RORC: variants seen among roughly 807,000 people sequenced by gnomAD.
RORC encodes the protein nuclear receptor ROR-gamma.
In RORC, 13 loss-of-function variants were observed where a neutral mutation model predicts 64.5. That is an observed-to-expected ratio of 0.20 (90% CI 0.13 to 0.32). The LOEUF is 0.32. Among genes scored for constraint, RORC ranks in the 10% least tolerant of loss-of-function variants. RORC has a pLI of 1.00. For synonymous variants in RORC, 277 were observed against 259.3 expected (o/e 1.07, Z -0.65); for missense variants, 468 against 669.5 (o/e 0.70, Z 3.32).
In RORC at chr1:151,816,707, G is replaced by A. The variant is rs777188216; in HGVS notation, c.255C>T (p.His85=). The A allele has an allele frequency of 1.9e-6, 3 of 1,606,502 alleles. No individual in the cohort carries two copies. Among genetic ancestry groups the A allele is most frequent in the East Asian group, 4.5e-5 (2 of 44,598 alleles). ...IDRTSRNRCQ[H]CRLQKCLALG... ...GCGCCAGGCATTTCTGCAGGCGGCA[G>A]TGCTGGCATCGGTTTCGGCTGGTGC... Residue 85 remains histidine, a synonymous_variant, in exon 4 of 11, where the codon CAC becomes CAT. Coordinates refer to ENST00000318247, the MANE Select transcript of RORC (RefSeq NM_005060.4).
chr1:151,824,005 G>A (rs966982767), intron 2 of RORC, among the ~76,000 whole-genome samples: 4 of 152,156 alleles, frequency 2.6e-5, no homozygotes, highest in Non-Finnish European at 5.9e-5. Context: ...CTCCCTAGGT[G>A]TTCCAGAAAC....
At chr1:151,819,352 A>C (rs4845594) in intron 2 of RORC, among the ~76,000 whole-genome samples, 150,115 of 152,294 alleles carry the variant, frequency 0.99, 74,016 homozygotes, top group Middle Eastern at 1. Flanking sequence ...TGATATCACC[A>C]ATGGAAAGCA....
chr1:151,811,465 C>A, intron 9 of RORC, 31 bp from the exon 10 acceptor site: 1 of 1,355,114 alleles, frequency 7.4e-7, no homozygotes, highest in East Asian at 2.3e-5. Context: ...GTAATGAGAA[C>A]AAGAAAGAAC....
intron 2 of RORC, among the ~76,000 whole-genome samples, chr1:151,824,185 A>C (rs1652102472): frequency 6.6e-6 from 1 of 152,086 alleles, no homozygotes; most frequent in South Asian, 2.1e-4. Context: ...TTGGGGTCAG[A>C]TAACTTGGGG....
At chr1:151,823,791 C>G (rs1344704478) in intron 2 of RORC, among the ~76,000 whole-genome samples, 2 of 152,158 alleles carry the variant, frequency 1.3e-5, no homozygotes, top group Non-Finnish European at 2.9e-5. Context: ...CAGGTACACG[C>G]CACCATGCCC....
chr1:151,830,932 G>C lies in RORC; in HGVS notation c.40+793C>G. 7.8e-7 allele frequency: 1 copy of C among 1,288,772 alleles called. No homozygotes were observed. The highest frequency in any genetic ancestry group is 1.0e-6 in the Non-Finnish European group (1 of 988,536). 79.8% of individuals were successfully genotyped at this position (1,288,772 alleles called of 1,614,324 possible). A position where few individuals can be genotyped will look rare whatever the true frequency, so the allele number is the denominator to read the frequency against. On this transcript the variant is annotated intron_variant, in intron 1 of 10. Transcript: ENST00000318247. This position sits in a 1 kb window ranked among gnomAD's most constrained non-coding sequence, Gnocchi z 4.0. ...GGGGGTGCTCCCCTTGCTCACCCAGGCAGCCAGTTCTTCCTCCACCAGGTG... is the reference window on the plus strand; with the variant it reads ...GGGGGTGCTCCCCTTGCTCACCCAGCCAGCCAGTTCTTCCTCCACCAGGTG...
intron 2 of RORC, among the ~76,000 whole-genome samples, chr1:151,818,694 T>C (rs987321652): frequency 6.6e-6 from 1 of 151,932 alleles, no homozygotes; most frequent in African/African-American, 2.4e-5. Flanking sequence ...GCCAGAAAAG[T>C]GAAGAGAAGG....
At chr1:151,822,460 G>A (rs1199893539) in intron 2 of RORC, among the ~76,000 whole-genome samples, 1 of 152,214 alleles carries the variant, frequency 6.6e-6, no homozygotes, top group Non-Finnish European at 1.5e-5. Context: ...TCAGGTGGGC[G>A]AGGGAGAGTC....
intron 2 of RORC, 47 bp from the exon 3 acceptor site, chr1:151,817,327 A>G: frequency 7.4e-7 from 1 of 1,347,766 alleles, no homozygotes; most frequent in Non-Finnish European, 1.1e-6. Flanking sequence ...GCTTTTCTGC[A>G]TTCAACCACC....
intron 2 of RORC, among the ~76,000 whole-genome samples, chr1:151,823,362 C>G (rs1405402090): frequency 6.6e-6 from 1 of 152,214 alleles, no homozygotes; most frequent in African/African-American, 2.4e-5. Context: ...TGGCCATGCC[C>G]TTAGGGGAAG....
chr1:151,829,574 G>T, intron 1 of RORC, 116 bp from the exon 2 acceptor site: 1 of 1,005,792 alleles, frequency 9.9e-7, no homozygotes, highest in Non-Finnish European at 1.4e-6. Flanking sequence ...CCTGGCGTCT[G>T]AAGGGCAGGC....
chr1:151,822,419 C>T (rs1253188011), intron 2 of RORC, among the ~76,000 whole-genome samples: 1 of 152,202 alleles, frequency 6.6e-6, no homozygotes, highest in Non-Finnish European at 1.5e-5. Flanking sequence ...ACACCCAGAT[C>T]CTGGGGCTGA....
intron 2 of RORC, among the ~76,000 whole-genome samples, chr1:151,829,205 G>C (rs1652313450): frequency 6.6e-6 from 1 of 151,210 alleles, no homozygotes; most frequent in Non-Finnish European, 1.5e-5. Context: ...TTCTCTCCTG[G>C]TTTCTTTACA....
At chr1:151,821,885 T>C (rs1224973777) in intron 2 of RORC, among the ~76,000 whole-genome samples, 1 of 152,132 alleles carries the variant, frequency 6.6e-6, no homozygotes, top group East Asian at 1.9e-4. Context: ...AGAGATATTA[T>C]TCCCTCTGTC....
rs374533116 is a variant in RORC at position 151,819,539 on chromosome 1, G to A, written c.71-2259C>T. ...GACCAGAGATGGGAGAAACCAACGTGGGCCACCCAAAAAAGTAAGCGGGAG... is the reference window on the plus strand; with the variant it reads ...GACCAGAGATGGGAGAAACCAACGTAGGCCACCCAAAAAAGTAAGCGGGAG... On this transcript the variant is annotated intron_variant, in intron 2 of 10. Coordinates refer to ENST00000318247, the MANE Select transcript of RORC (RefSeq NM_005060.4). Among the ~76,000 whole-genome samples the A allele has an allele frequency of 1.4e-3, 219 of 152,234 alleles. 2 individuals carry two copies. The highest frequency in any genetic ancestry group is 5.1e-3 in the African/African-American group (213 of 41,554).
At position 151,807,475 on chromosome 1, in the gene RORC, C is replaced by A; in HGVS notation, c.1554G>T (p.Lys518Asn). Residue 518 changes from lysine to asparagine, a missense_variant, in exon 11 of 11, where the codon AAG (lysine) becomes AAT (asparagine). Lys to Asn is a moderately conservative substitution (Grantham distance 94, BLOSUM62 0). This residue lies in a region of RORC where 93 missense variants were observed against 116.6 expected (regional missense o/e 0.80). Coordinates refer to ENST00000318247, the MANE Select transcript of RORC (RefSeq NM_005060.4). This position sits in a 1 kb window ranked among gnomAD's most constrained non-coding sequence, Gnocchi z 5.0. Reference protein sequence around the residue: ...TETESPVGLSK With the variant: ...TETESPVGLSN ...GGCAAGGAGTCCCTCTTCCAGGTCA[C>A]TTGGACAGCCCCACAGGTGACTCGG... 6.2e-7 allele frequency: 1 copy of A among 1,614,018 alleles called. No homozygotes were observed. Among genetic ancestry groups the A allele is most frequent in the Non-Finnish European group, 8.5e-7 (1 of 1,179,898 alleles).
Position 151,818,532 on chromosome 1 carries a change from C to T in RORC, c.71-1252G>A, listed in dbSNP as rs118082368. 5.9e-4 allele frequency among the ~76,000 whole-genome samples: 90 copies of T among 152,318 alleles called. 1 individual carries two copies. In the East Asian group the frequency reaches 0.016, roughly 27 times the overall value. Reference sequence around the variant, plus strand: ...GCTTCATGGGACCACAGGAGGCCTTCTCCCAGCTCTTCCTTGAAAGGTAGC... The same window carrying T: ...GCTTCATGGGACCACAGGAGGCCTTTTCCCAGCTCTTCCTTGAAAGGTAGC... On this transcript the variant is annotated intron_variant, in intron 2 of 10. Coordinates refer to ENST00000318247, the MANE Select transcript of RORC (RefSeq NM_005060.4).
intron 2 of RORC, among the ~76,000 whole-genome samples, chr1:151,823,100 C>T (rs1161803919): frequency 2.6e-5 from 4 of 151,960 alleles, no homozygotes; most frequent in African/African-American, 9.7e-5. Context: ...AATGGGAAGA[C>T]GGGGAAAGAG....
rs536644077 is a variant in RORC, at chr1:151,815,486, C to T, written c.299-61G>A. 5.5e-5 allele frequency: 82 copies of T among 1,497,160 alleles called. No individual in the cohort carries two copies. The African/African-American group carries it at 8.5e-4, about 16-fold the overall frequency. The allele number at this position is 1,497,160 out of a possible 1,614,324, so 92.7% of individuals were successfully genotyped here. A position where few individuals can be genotyped will look rare whatever the true frequency, so the allele number is the denominator to read the frequency against. ...AGGAGAACATGGCACAGGGCAGGGT[C>T]AGGAGGCATTTGGTCATTAAAGGAT... On this transcript the variant is annotated intron_variant, in intron 4 of 10. Coordinates refer to ENST00000318247, the MANE Select transcript of RORC (RefSeq NM_005060.4).
Sources: gnomAD v4.1 joint callset for allele counts (sites outside exome capture counted in the v4.1 genomes callset) on GRCh38, gnomAD v4.1.1 for gene constraint, gnomAD v4.1.1 regional missense constraint, Gnocchi (gnomAD v3.1) non-coding constraint, MANE v1.5 for transcripts, NCBI Gene and HGNC (gene_info 2026-07-23, HGNC 2026-07-21) for gene names.